The following IGF2BP2 variants were observed in gnomAD, a reference collection of about 807,000 sequenced individuals.
The protein encoded by IGF2BP2 is insulin-like growth factor 2 mRNA-binding protein 2.
Under a neutral mutation model 75.8 loss-of-function variants are expected in IGF2BP2, and 17 were observed. The observed-to-expected ratio is 0.22, with a 90% CI of 0.15 to 0.34. The LOEUF is 0.34. Ranked by LOEUF, IGF2BP2 falls within the 10% of genes least tolerant of loss-of-function variation. The probability of loss-of-function intolerance (pLI) is 1.00; values close to 1 mark genes in which losing one functional copy is unlikely to be tolerated. For synonymous variants in IGF2BP2, 288 were observed against 295.6 expected, an observed-to-expected ratio of 0.97 and a Z score of 0.26; for missense variants, 516 against 772.4, an observed-to-expected ratio of 0.67 and a Z score of 3.93.
At chr3:185,761,165 A>G (rs1732305833) in intron 2 of IGF2BP2, among the ~76,000 whole-genome samples, 1 of 152,178 alleles carries the variant, frequency 6.6e-6, no homozygotes, top group African/African-American at 2.4e-5. Context: ...ACATGGTGTT[A>G]GGCTCCAACG....
chr3:185,713,377 C>T (rs914695408), intron 2 of IGF2BP2: 2 of 519,494 alleles, frequency 3.8e-6, no homozygotes, highest in African/African-American at 3.8e-5. Context: ...GTGAGGAAAA[C>T]TTAAGGCATG....
intron 4 of IGF2BP2, among the ~76,000 whole-genome samples, chr3:185,695,590 T>C (rs1427415840): frequency 1.3e-5 from 2 of 152,228 alleles, no homozygotes; most frequent in African/African-American, 4.8e-5. Flanking sequence ...GAGTTTGGAA[T>C]CTACTTTTCT....
chr3:185,687,986 C>T (rs192503632), intron 6 of IGF2BP2, among the ~76,000 whole-genome samples: 1 of 152,078 alleles, frequency 6.6e-6, no homozygotes, highest in East Asian at 1.9e-4. Flanking sequence ...AAATAAAAGT[C>T]ACTTTCGCAG....
chr3:185,780,649 A>T (rs186026655), intron 2 of IGF2BP2, among the ~76,000 whole-genome samples: 1 of 152,266 alleles, frequency 6.6e-6, no homozygotes, highest in East Asian at 1.9e-4. Flanking sequence ...TTTGTCTGTG[A>T]GCTACCTGAA....
chr3:185,665,311 CAGA>C (rs1361351543), intron 10 of IGF2BP2, among the ~76,000 whole-genome samples: 1 of 9,504 alleles, frequency 1.1e-4, no homozygotes, highest in Non-Finnish European at 2.1e-4. Context: ...GGAGAAGGAG[CAGA>C]AGGAGAAGGA....
At chr3:185,801,430 G>C (rs1229756305) in intron 2 of IGF2BP2, among the ~76,000 whole-genome samples, 1 of 151,080 alleles carries the variant, frequency 6.6e-6, no homozygotes, top group Non-Finnish European at 1.5e-5. Flanking sequence ...CGGAGGTTGT[G>C]GTGAGCCGAG....
chr3:185,824,760 A>AG, intron 1 of IGF2BP2, 23 bp downstream of exon 1: 14 of 1,275,218 alleles, frequency 1.1e-5, no homozygotes, highest in Non-Finnish European at 1.4e-5. Context: ...AGGCGGGGGG[A>AG]GGGGGCCGCG....
rs1348067679 is a variant in IGF2BP2 at position 185,733,023 on chromosome 3, C to T, written c.240-34676G>A. Among the ~76,000 whole-genome samples, 3 of 152,320 alleles carry T rather than the reference C, an allele frequency of 2.0e-5. No individual in the cohort carries two copies. In the East Asian group the frequency reaches 5.8e-4, roughly 29 times the overall value. ...CATCACCCCACTTCCCTTCCTTCCA[C>T]TATACTGCATTCTCCTGCTTCCCCA... On this transcript the variant is annotated intron_variant, in intron 2 of 15. Transcript: ENST00000382199.
intron 13 of IGF2BP2, 45 bp downstream of exon 13, chr3:185,652,049 T>C: frequency 6.6e-7 from 1 of 1,517,516 alleles, no homozygotes; most frequent in Non-Finnish European, 9.0e-7. Context: ...AGGTGGCTGC[T>C]CTGTGCCCAG....
intron 2 of IGF2BP2, among the ~76,000 whole-genome samples, chr3:185,729,431 C>T (rs1465798487): frequency 6.6e-6 from 1 of 152,158 alleles, no homozygotes; most frequent in African/African-American, 2.4e-5. Context: ...AAAATTTGAC[C>T]TCTTAAGAAC....
At chr3:185,652,386 C>CA (rs1714752417) in intron 12 of IGF2BP2, among the ~76,000 whole-genome samples, 1 of 152,188 alleles carries the variant, frequency 6.6e-6, no homozygotes, top group East Asian at 1.9e-4. Flanking sequence ...CACCCAGGGA[C>CA]AGTCAGACAC....
chr3:185,697,815 T>C (rs558583949), intron 3 of IGF2BP2, among the ~76,000 whole-genome samples: 1 of 151,904 alleles, frequency 6.6e-6, no homozygotes, highest in Non-Finnish European at 1.5e-5. Flanking sequence ...CAAAACCTCA[T>C]CTCTAAAAAA....
rs1186664988 is a variant in IGF2BP2 at position 185,822,990 on chromosome 3, T to TA, written c.239+162dup. On this transcript the variant is annotated intron_variant, in intron 2 of 15. Coordinates refer to ENST00000382199, the MANE Select transcript of IGF2BP2 (RefSeq NM_006548.6). ...CAGTAAACACCTTATATAATGAAAGTAAAAAAAAAAAAAGTAGCTTTCTAA... is the reference window on the plus strand; with the variant it reads ...CAGTAAACACCTTATATAATGAAAGTAAAAAAAAAAAAAAGTAGCTTTCTAA... 2.4e-3 allele frequency among the ~76,000 whole-genome samples: 326 copies of TA among 137,808 alleles called. 1 individual carries two copies. Among genetic ancestry groups the TA allele is most frequent in the East Asian group, 0.015 (73 of 4,780 alleles). The allele number at this position is 137,808 out of a possible 152,430, so 90.4% of individuals were successfully genotyped here.
At chr3:185,654,547 T>C (rs558881428) in intron 12 of IGF2BP2, among the ~76,000 whole-genome samples, 1 of 152,328 alleles carries the variant, frequency 6.6e-6, no homozygotes, top group Admixed American at 6.5e-5. Flanking sequence ...GCTGCTTTGC[T>C]CAGATTCTGA....
At position 185,643,592 on chromosome 3, in the gene IGF2BP2, T is replaced by C. The variant is rs985526027; in HGVS notation, c.*1939A>G. On this transcript the variant is annotated 3_prime_UTR_variant, in exon 16 of 16. Transcript: ENST00000382199. Reference sequence around the variant, plus strand: ...TCTAGTTTAGCTTCTCCCAAAGACTTTCCTGGGCAAAACCAGCTTTCTCAG... The same window carrying C: ...TCTAGTTTAGCTTCTCCCAAAGACTCTCCTGGGCAAAACCAGCTTTCTCAG... The C allele has an allele frequency of 1.3e-5, 2 of 152,300 alleles. No individual in the cohort carries two copies. Among genetic ancestry groups the C allele is most frequent in the Non-Finnish European group, 2.9e-5 (2 of 68,054 alleles). 9.4% of individuals were successfully genotyped at this position (152,300 alleles called of 1,614,324 possible).
At chr3:185,666,090 A>G (rs977549103) in intron 10 of IGF2BP2, among the ~76,000 whole-genome samples, 1 of 152,214 alleles carries the variant, frequency 6.6e-6, no homozygotes, top group Non-Finnish European at 1.5e-5. Flanking sequence ...CTAGACACCC[A>G]GAATTCATTC....
rs556116757 is a variant in IGF2BP2 at position 185,645,261 on chromosome 3, T to C, written c.*270A>G. On this transcript the variant is annotated 3_prime_UTR_variant, in exon 16 of 16. Transcript: ENST00000382199. The surrounding 1 kb of genome is among the most constrained non-coding windows in gnomAD (Gnocchi z 4.9). The stretch of plus-strand genomic sequence containing the variant: ...GGAGTTCAGGAGAGATCCGAGTGGA[T>C]GGTGAAGTGGATGGCTGAAGCCTGC... The C allele has an allele frequency of 7.7e-6, 4 of 518,216 alleles. No individual in the cohort carries two copies. The highest frequency in any genetic ancestry group is 2.7e-5 in the South Asian group (1 of 36,950). 32.1% of individuals were successfully genotyped at this position (518,216 alleles called of 1,614,324 possible).
At chr3:185,676,935 G>C (rs1292783883) in intron 7 of IGF2BP2, among the ~76,000 whole-genome samples, 4 of 141,888 alleles carry the variant, frequency 2.8e-5, no homozygotes, top group African/African-American at 1.0e-4. Flanking sequence ...TTACTGGAGA[G>C]AGAGACATAT....
Position 185,675,368 on chromosome 3 carries a change from G to C in IGF2BP2, c.999C>G (p.Ala333=). The C allele has an allele frequency of 6.2e-7, 1 of 1,612,726 alleles. No individual in the cohort carries two copies. The highest frequency in any genetic ancestry group is 8.5e-7 in the Non-Finnish European group (1 of 1,179,638). ...RTITVKGTVE[A]CASAEIEIMK... is the part of the protein sequence containing the mutation. ...TAATCTCTATCTCAGCACTGGCACA[G>C]GCCTCAACTGTGCCCTTCACAGTGA... The change falls in exon 9 of 16, where the codon GCC becomes GCG. Residue 333 remains alanine (A), a synonymous_variant. Transcript: ENST00000382199.
Sources: allele counts gnomAD v4.1 joint callset (sites outside exome capture counted in the v4.1 genomes callset), GRCh38; gene constraint gnomAD v4.1.1; non-coding constraint Gnocchi (gnomAD v3.1); transcripts MANE v1.5; gene names NCBI Gene and HGNC (gene_info 2026-07-23, HGNC 2026-07-21).